Variants in USP53 observed in about 807,000 individuals in gnomAD.
USP53 encodes ubiquitin carboxyl-terminal hydrolase 53.
A neutral mutation model predicts 94.9 loss-of-function variants in USP53; 71 were observed. The observed-to-expected ratio is 0.75, with a 90% confidence interval of 0.62 to 0.91. The LOEUF is 0.91. Ranked by LOEUF, USP53 falls within the 40% of genes least tolerant of loss-of-function variation. USP53 has a pLI of 0.00. For synonymous variants in USP53, 375 were observed against 422.7 expected (o/e 0.89, Z 1.39); for missense variants, 1,173 against 1,281.0 (o/e 0.92, Z 1.29).
intron 4 of USP53, among the ~76,000 whole-genome samples, chr4:119,235,808 C>G (rs1298389776): frequency 2.0e-5 from 3 of 152,178 alleles, no homozygotes; most frequent in African/African-American, 7.2e-5. Flanking sequence ...CCTTTCCAAT[C>G]TTTGTGCAAA....
intron 18 of USP53, 74 bp from the exon 19 acceptor site, chr4:119,292,264 C>A: frequency 2.9e-6 from 4 of 1,403,252 alleles, no homozygotes; most frequent in Non-Finnish European, 3.8e-6. Flanking sequence ...AACTACAAAA[C>A]AAATGTTTAT....
chr4:119,284,345 G>A (rs911348247), intron 17 of USP53, among the ~76,000 whole-genome samples: 1 of 151,178 alleles, frequency 6.6e-6, no homozygotes, highest in African/African-American at 2.4e-5. Context: ...TCTGGAGAAA[G>A]GATATAATAT....
intron 17 of USP53, 79 bp downstream of exon 17, chr4:119,273,787 G>C: frequency 3.4e-6 from 4 of 1,175,808 alleles, no homozygotes; most frequent in Non-Finnish European, 4.8e-6. Context: ...ATGTATCTGA[G>C]AGAAAATCCT....
At position 119,259,924 on chromosome 4, in the gene USP53, C is replaced by A; in HGVS notation, c.674C>A (p.Pro225His). The change falls in exon 10 of 19, where the codon CCT (proline) becomes CAT (histidine). Residue 225 changes from proline to histidine, a missense_variant and splice_region_variant. By Grantham distance (77) the Pro-to-His change is moderately conservative. Transcript: ENST00000692078. ...ACAACAGATGACTATAGGAAATGTC[C>A]TGTAAGTATAGTTTGGAGAATATTA... ...ANTTDDYRKC[P>H]SNCGQKIKIR... 1 of 1,601,656 alleles carries A rather than the reference C, an allele frequency of 6.2e-7. No individual in the cohort carries two copies. The highest frequency in any genetic ancestry group is 8.5e-7 in the Non-Finnish European group (1 of 1,173,650).
intron 3 of USP53, 46 bp downstream of exon 3, chr4:119,217,719 A>G (rs1440651476): frequency 2.0e-5 from 3 of 152,176 alleles, no homozygotes; most frequent in African/African-American, 7.2e-5. Flanking sequence ...ATGGTTTGCA[A>G]TTTTAAATAA....
chr4:119,271,458 G>C lies in USP53; in HGVS notation c.1598G>C (p.Ser533Thr). 1 of 1,613,676 alleles carries C rather than the reference G, an allele frequency of 6.2e-7. No homozygotes were observed. Among genetic ancestry groups the C allele is most frequent in the Non-Finnish European group, 8.5e-7 (1 of 1,179,966 alleles). ...AGTCGAGCTTCTGCACAAATAATAA[G>C]TTCAAGTAAATCCCAGATTCTTGCT... ...PQSRASAQII[S>T]SSKSQILAPG... is the part of the protein sequence containing the mutation. Residue 533 changes from serine (S) to threonine (T), a missense_variant, in exon 16 of 19, where the codon AGT (serine) becomes ACT (threonine). Coordinates refer to ENST00000692078, the MANE Select transcript of USP53 (RefSeq NM_001371395.1).
chr4:119,258,160 A>G (rs769444716), intron 9 of USP53, among the ~76,000 whole-genome samples: 8 of 152,206 alleles, frequency 5.3e-5, no homozygotes, highest in Admixed American at 2.6e-4. Context: ...AATGAGGTTA[A>G]TCTAGTAAGT....
At chr4:119,236,688 G>C (rs1746807750) in intron 4 of USP53, among the ~76,000 whole-genome samples, 1 of 152,218 alleles carries the variant, frequency 6.6e-6, no homozygotes. Flanking sequence ...TTTATCATGA[G>C]ATTGCAGCAA....
Position 119,273,712 on chromosome 4 carries a change from A to G in USP53, c.2251+4A>G. 2 of 1,607,852 alleles carry G rather than the reference A, an allele frequency of 1.2e-6. No individual in the cohort carries two copies. The highest frequency in any genetic ancestry group is 8.5e-7 in the Non-Finnish European group (1 of 1,176,188). On this transcript the variant is annotated splice_donor_region_variant and intron_variant, in intron 17 of 18. Transcript: ENST00000692078. ...CAGAGCCAACATCACTTAGAAGGTA[A>G]AAAACTTATTTGAATATAATAGTTG... is the stretch of plus-strand genomic sequence containing the variant.
At chr4:119,284,869 T>C (rs1208551700) in intron 17 of USP53, among the ~76,000 whole-genome samples, 1 of 151,918 alleles carries the variant, frequency 6.6e-6, no homozygotes, top group Non-Finnish European at 1.5e-5. Context: ...CTTTTGACCA[T>C]GAAAATCTCT....
At chr4:119,215,087 C>T (rs1200416436) in intron 2 of USP53, among the ~76,000 whole-genome samples, 1 of 152,116 alleles carries the variant, frequency 6.6e-6, no homozygotes, top group Non-Finnish European at 1.5e-5. Flanking sequence ...TATATTGCAT[C>T]TGGAAGCATT....
intron 17 of USP53, among the ~76,000 whole-genome samples, chr4:119,286,268 A>G (rs1237364105): frequency 2.7e-5 from 4 of 150,400 alleles, no homozygotes; most frequent in Non-Finnish European, 1.5e-5. Flanking sequence ...TTTTTTTTAG[A>G]TGAAATATAT....
intron 10 of USP53, 127 bp downstream of exon 10, chr4:119,260,052 T>C: frequency 1.7e-6 from 1 of 580,176 alleles, no homozygotes; most frequent in African/African-American, 1.9e-5. Context: ...TAAAAAATAT[T>C]ATTTTAGATT....
At chr4:119,283,617 G>A (rs1458269618) in intron 17 of USP53, among the ~76,000 whole-genome samples, 2 of 151,750 alleles carry the variant, frequency 1.3e-5, no homozygotes, top group Non-Finnish European at 3.0e-5. Context: ...TATGTGGGCA[G>A]GATAATTAGT....
chr4:119,240,802 G>A (rs1453860200), intron 5 of USP53, among the ~76,000 whole-genome samples: 4 of 152,118 alleles, frequency 2.6e-5, no homozygotes, highest in Non-Finnish European at 5.9e-5. Context: ...AAACTTGAAC[G>A]TTCTCTAACT....
Position 119,227,109 on chromosome 4 carries a change from G to A in USP53, c.-664-8181G>A, listed in dbSNP as rs115047600. 3.3e-3 allele frequency among the ~76,000 whole-genome samples: 498 copies of A among 152,270 alleles called. 1 individual carries two copies. The highest frequency in any genetic ancestry group is 0.011 in the African/African-American group (462 of 41,560). On this transcript the variant is annotated intron_variant, in intron 3 of 18. Coordinates refer to ENST00000692078, the MANE Select transcript of USP53 (RefSeq NM_001371395.1). ...AGCCTCTCAAAGTACTAGGATTGCAGGCATGAGCCACTGTGCCTGGCTATA... is the reference window on the plus strand; with the variant it reads ...AGCCTCTCAAAGTACTAGGATTGCAAGCATGAGCCACTGTGCCTGGCTATA...
Position 119,293,361 on chromosome 4 carries a change from C to A in USP53, c.*150C>A, listed in dbSNP as rs951653469. Reference sequence around the variant, plus strand: ...AGAGGCCATTTAAATATAATAGGAACCTACTGACCAAACCTAGTGATACAT... The same window carrying A: ...AGAGGCCATTTAAATATAATAGGAAACTACTGACCAAACCTAGTGATACAT... On this transcript the variant is annotated 3_prime_UTR_variant, in exon 19 of 19. Coordinates refer to ENST00000692078, the MANE Select transcript of USP53 (RefSeq NM_001371395.1). 4 of 871,926 alleles carry A rather than the reference C, an allele frequency of 4.6e-6. No homozygotes were observed. Among genetic ancestry groups the A allele is most frequent in the African/African-American group, 1.7e-5 (1 of 58,740 alleles). 54.0% of individuals were successfully genotyped at this position (871,926 alleles called of 1,614,324 possible).
intron 14 of USP53, among the ~76,000 whole-genome samples, chr4:119,268,720 G>T (rs2149410033): frequency 6.6e-6 from 1 of 152,270 alleles, no homozygotes; most frequent in Non-Finnish European, 1.5e-5. Flanking sequence ...TTATCAGCTT[G>T]GAGCAGAAAA....
intron 7 of USP53, among the ~76,000 whole-genome samples, chr4:119,253,350 C>A (rs1031959312): frequency 2.6e-5 from 4 of 152,148 alleles, no homozygotes; most frequent in Non-Finnish European, 5.9e-5. Context: ...GCGTGGGAGT[C>A]TAAGTCCCTT....
Sources: allele counts gnomAD v4.1 joint callset (sites outside exome capture counted in the v4.1 genomes callset), GRCh38; gene constraint gnomAD v4.1.1; transcripts MANE v1.5; gene names NCBI Gene and HGNC (gene_info 2026-07-23, HGNC 2026-07-21).